Variants in PCGF3 observed in about 807,000 individuals in gnomAD.
PCGF3 encodes the protein polycomb group ring finger 3.
PCGF3 carries 7 observed loss-of-function variants against 33.1 expected under a neutral mutation model. The ratio of observed to expected loss-of-function variants is 0.21; its 90% CI spans 0.12 to 0.40. The LOEUF is 0.40. Ranked by LOEUF, PCGF3 falls within the 10% of genes least tolerant of loss-of-function variation. The pLI is 1.00. For missense variants in PCGF3, 211 were observed against 313.3 expected (o/e 0.67, Z 2.46); for synonymous variants, 153 against 121.3 (o/e 1.26, Z -1.72).
At chr4:735,401 C>T (rs906799059) in intron 5 of PCGF3, among the ~76,000 whole-genome samples, 3 of 152,174 alleles carry the variant, frequency 2.0e-5, no homozygotes, top group Non-Finnish European at 4.4e-5. Flanking sequence ...ACAAAATTAG[C>T]TGGGTATGGT....
At chr4:719,274 A>G (rs1480996629) in intron 1 of PCGF3, among the ~76,000 whole-genome samples, 2 of 152,172 alleles carry the variant, frequency 1.3e-5, no homozygotes, top group East Asian at 3.9e-4. Flanking sequence ...TCTTAAAAAA[A>G]CTTTTAGGGT....
chr4:728,625 C>T (rs1405829741), intron 1 of PCGF3, among the ~76,000 whole-genome samples: 1 of 152,198 alleles, frequency 6.6e-6, no homozygotes, highest in Non-Finnish European at 1.5e-5. Flanking sequence ...CACCTTCTAA[C>T]ATAGTAAATA....
Position 756,473 on chromosome 4 carries a change from A to G in PCGF3, c.463-4806A>G, listed in dbSNP as rs1298841847. Among the ~76,000 whole-genome samples, 3 of 152,222 alleles carry G rather than the reference A, an allele frequency of 2.0e-5. No individual in the cohort carries two copies. The Middle Eastern group carries it at 0.01, about 518-fold the overall frequency. ...AATGATCCACCCGCCTCAGCCTCCC[A>G]AAGTGCTGGGATTACAGGTGTAAGC... is the stretch of plus-strand genomic sequence containing the variant. On this transcript the variant is annotated intron_variant, in intron 8 of 10. Transcript: ENST00000362003.
rs1226035200 is a variant in PCGF3, at chr4:708,062, G to GGGACAGCCCTGTTTTCCCCTGGGGGTCA, written c.-190+2096_-190+2097insAGCCCTGTTTTCCCCTGGGGGTCAGGAC. 1.0e-4 allele frequency among the ~76,000 whole-genome samples: 15 copies of GGGACAGCCCTGTTTTCCCCTGGGGGTCA among 146,332 alleles called. 1 individual carries two copies. Among genetic ancestry groups the GGGACAGCCCTGTTTTCCCCTGGGGGTCA allele is most frequent in the African/African-American group, 3.2e-4 (12 of 37,136 alleles). ...ACAGCCCTGTTTTCACCTGGGGGCC[G>GGGACAGCCCTGTTTTCCCCTGGGGGTCA]GGACCCTGGGACAGCCCTGTTTTCA... is the stretch of plus-strand genomic sequence containing the variant. On this transcript the variant is annotated intron_variant, in intron 1 of 10. Transcript: ENST00000362003.
chr4:708,517 A>G (rs1298757654), intron 1 of PCGF3, among the ~76,000 whole-genome samples: 2 of 152,146 alleles, frequency 1.3e-5, no homozygotes, highest in Non-Finnish European at 2.9e-5. Flanking sequence ...GCCCCTGCAC[A>G]TGAACCGCCT....
Position 708,217 on chromosome 4 carries a change from G to A in PCGF3, c.-190+2247G>A, listed in dbSNP as rs1742419195. 2.0e-5 allele frequency among the ~76,000 whole-genome samples: 3 copies of A among 152,134 alleles called. No individual in the cohort carries two copies. In the South Asian group the frequency reaches 6.2e-4, roughly 32 times the overall value. On this transcript the variant is annotated intron_variant, in intron 1 of 10. Transcript: ENST00000362003. ...CAGGACCTCAAACGGGGTCACTTAG[G>A]GTCGGGACACTGGTGTGGACTGGGA...
At chr4:733,875 C>G in intron 4 of PCGF3, 86 bp downstream of exon 4, 1 of 1,606,760 alleles carries the variant, frequency 6.2e-7, no homozygotes, top group Non-Finnish European at 8.5e-7. Context: ...TGTTACCACA[C>G]GCTTTTAGCT....
intron 8 of PCGF3, among the ~76,000 whole-genome samples, chr4:754,307 C>T (rs1384046141): frequency 1.3e-5 from 2 of 152,238 alleles, no homozygotes; most frequent in African/African-American, 4.8e-5. Context: ...CCCTGGCCCA[C>T]TGGCTCCTGT....
At chr4:767,031 C>G (rs4690194) in exon 11 of PCGF3, 1 of 152,160 alleles carries the variant, frequency 6.6e-6, no homozygotes, top group Non-Finnish European at 1.5e-5. Context: ...GCTTCGGGCT[C>G]ATGCCCAGAC....
At position 721,423 on chromosome 4, in the gene PCGF3, A is replaced by T. The variant is rs975732154; in HGVS notation, c.-189-9207A>T. On this transcript the variant is annotated intron_variant, in intron 1 of 10. Transcript: ENST00000362003. This position sits in a 1 kb window ranked among gnomAD's most constrained non-coding sequence, Gnocchi z 4.1. ...TCTTCCTCCTGGCAGAGCTCCCCAG[A>T]GGAAGGCTGGGCTGGGCAGTCAGCC... is the stretch of plus-strand genomic sequence containing the variant. Among the ~76,000 whole-genome samples, 5 of 152,024 alleles carry T rather than the reference A, an allele frequency of 3.3e-5. No individual in the cohort carries two copies. The highest frequency in any genetic ancestry group is 3.3e-4 in the Admixed American group (5 of 15,282).
At chr4:728,513 A>G (rs1743422350) in intron 1 of PCGF3, among the ~76,000 whole-genome samples, 2 of 151,906 alleles carry the variant, frequency 1.3e-5, no homozygotes, top group African/African-American at 4.8e-5. Context: ...TTCTGTGCAG[A>G]CTCGACACCA....
At chr4:763,540 C>T (rs913995693) in intron 9 of PCGF3, among the ~76,000 whole-genome samples, 11 of 152,214 alleles carry the variant, frequency 7.2e-5, no homozygotes, top group Non-Finnish European at 1.0e-4. Flanking sequence ...ACCACGCGTA[C>T]CCCATAGAAG....
chr4:733,771 A>G, exon 4 of PCGF3: 1 of 1,613,648 alleles, frequency 6.2e-7, no homozygotes, highest in Non-Finnish European at 8.5e-7. Context: ...CACCACGGTG[A>G]CCGAGTGTCT....
chr4:769,084 A>C (rs1486292050), exon 11 of PCGF3: 2 of 152,696 alleles, frequency 1.3e-5, no homozygotes, highest in Admixed American at 1.3e-4. Context: ...TCAGCCAGTG[A>C]TGCCTCGGGC....
At chr4:710,657 T>G (rs888196035) in intron 1 of PCGF3, among the ~76,000 whole-genome samples, 4 of 152,238 alleles carry the variant, frequency 2.6e-5, no homozygotes, top group Admixed American at 2.6e-4. Flanking sequence ...TTGAGATATT[T>G]GTGATACGTA....
chr4:764,242 C>T (rs551165779), intron 9 of PCGF3, among the ~76,000 whole-genome samples: 2 of 152,326 alleles, frequency 1.3e-5, no homozygotes, highest in African/African-American at 4.8e-5. Context: ...CGGGAACTCC[C>T]TGTACCTTCC....
At chr4:769,252 G>T (rs9992649) in exon 11 of PCGF3, 1 of 152,638 alleles carries the variant, frequency 6.6e-6, no homozygotes, top group Non-Finnish European at 1.5e-5. Flanking sequence ...CCCGGGCTTC[G>T]CAGCCTTGCT....
At chr4:741,481 A>G (rs1744087621) in intron 6 of PCGF3, among the ~76,000 whole-genome samples, 1 of 152,176 alleles carries the variant, frequency 6.6e-6, no homozygotes, top group African/African-American at 2.4e-5. Context: ...ATCTCAGCTC[A>G]CTGCAACCTC....
At chr4:733,510 G>T (rs1458958991) in intron 3 of PCGF3, among the ~76,000 whole-genome samples, 162 bp from the exon 4 acceptor site, 1 of 152,234 alleles carries the variant, frequency 6.6e-6, no homozygotes, top group African/African-American at 2.4e-5. Context: ...TGCTGACCGT[G>T]CCCTGCACAT....
Sources: gnomAD v4.1 joint callset for allele counts (sites outside exome capture counted in the v4.1 genomes callset) on GRCh38, gnomAD v4.1.1 for gene constraint, Gnocchi (gnomAD v3.1) non-coding constraint, MANE v1.5 for transcripts, NCBI Gene and HGNC (gene_info 2026-07-23, HGNC 2026-07-21) for gene names.